The following ZNF704 variants were observed in gnomAD, a reference collection of about 807,000 sequenced individuals.
The protein encoded by ZNF704 is glucocorticoid induced gene 1.
ZNF704 carries 10 observed loss-of-function variants against 44.7 expected under a neutral mutation model. That is an observed-to-expected ratio of 0.22 (90% CI 0.14 to 0.38). The LOEUF (loss-of-function observed/expected upper bound fraction) is 0.38, where lower values mean the gene tolerates loss of function less well. ZNF704 is among the 10% of genes least tolerant of loss of function. The pLI is 1.00. For missense variants in ZNF704, 390 were observed against 545.5 expected, an observed-to-expected ratio of 0.71 and a Z score of 2.84; for synonymous variants, 211 against 207.6, an observed-to-expected ratio of 1.02 and a Z score of -0.14.
Position 80,646,213 on chromosome 8 carries a change from C to T in ZNF704, c.1033-3084G>A, listed in dbSNP as rs57743444. 3.9e-3 allele frequency among the ~76,000 whole-genome samples: 592 copies of T among 152,300 alleles called. 4 individuals are homozygous for T. Among genetic ancestry groups the T allele is most frequent in the African/African-American group, 0.013 (553 of 41,560 alleles). Reference sequence around the variant, plus strand: ...ATACAGGTAGGGCCAGGAGTGGTAGCTTATGCCTGTAATCCTAGCACTTTG... The same window carrying T: ...ATACAGGTAGGGCCAGGAGTGGTAGTTTATGCCTGTAATCCTAGCACTTTG... On this transcript the variant is annotated intron_variant, in intron 7 of 8. Coordinates refer to ENST00000327835, the MANE Select transcript of ZNF704 (RefSeq NM_001033723.3).
intron 1 of ZNF704, among the ~76,000 whole-genome samples, chr8:80,844,751 A>C (rs1345295412): frequency 6.6e-6 from 1 of 152,144 alleles, no homozygotes; most frequent in Non-Finnish European, 1.5e-5. Flanking sequence ...ATGCTATTAA[A>C]ATTTTATGTA....
At chr8:80,875,979 C>T (rs576878398), upstream of ZNF704, among the ~76,000 whole-genome samples, 85 of 152,266 alleles carry the variant, frequency 5.6e-4, 1 homozygote, top group African/African-American at 2.0e-3. Context: ...CCTTCTCTAC[C>T]TTATCCCTAG....
At chr8:80,779,568 T>C (rs937202965) in intron 2 of ZNF704, among the ~76,000 whole-genome samples, 2 of 152,136 alleles carry the variant, frequency 1.3e-5, no homozygotes, top group Non-Finnish European at 2.9e-5. Context: ...TTAAAATCAA[T>C]GTATAAAGAA....
At chr8:80,801,814 A>G (rs540333174) in intron 2 of ZNF704, among the ~76,000 whole-genome samples, 11 of 152,290 alleles carry the variant, frequency 7.2e-5, no homozygotes, top group Admixed American at 5.9e-4. Flanking sequence ...GACAAGAAAT[A>G]ACCAAGATCA....
At chr8:80,825,666 A>G (rs1287982304) in intron 1 of ZNF704, among the ~76,000 whole-genome samples, 1 of 152,252 alleles carries the variant, frequency 6.6e-6, no homozygotes, top group Admixed American at 6.5e-5. Flanking sequence ...AATTGACCAC[A>G]TAGTTGGAAG....
At chr8:80,789,511 C>A (rs896082302) in intron 2 of ZNF704, among the ~76,000 whole-genome samples, 14 of 152,070 alleles carry the variant, frequency 9.2e-5, no homozygotes, top group Non-Finnish European at 1.6e-4. Flanking sequence ...CTTTGGGAGG[C>A]CACAGAGGGA....
chr8:80,738,092 C>T (rs1806694798), intron 2 of ZNF704, among the ~76,000 whole-genome samples: 1 of 152,144 alleles, frequency 6.6e-6, no homozygotes, highest in Non-Finnish European at 1.5e-5. Flanking sequence ...CTCATGGTCA[C>T]ACTGGGGTTA....
intron 1 of ZNF704, among the ~76,000 whole-genome samples, chr8:80,832,078 T>C (rs759086759): frequency 1.1e-4 from 17 of 152,208 alleles, no homozygotes; most frequent in Non-Finnish European, 2.2e-4. Context: ...CAATGTTCAA[T>C]TATATGAGAA....
intron 2 of ZNF704, chr8:80,694,388 T>C (rs1033788338): frequency 1.3e-5 from 2 of 152,118 alleles, no homozygotes; most frequent in African/African-American, 2.4e-5. Flanking sequence ...GGAGGTAAAA[T>C]TGAGAGGCAA....
chr8:80,788,591 T>C (rs1807653268), intron 2 of ZNF704, among the ~76,000 whole-genome samples: 3 of 152,198 alleles, frequency 2.0e-5, no homozygotes, highest in Admixed American at 2.0e-4. Context: ...TCATCTTGTG[T>C]CTGCCTGGCA....
chr8:80,808,095 T>C (rs1563560487), intron 2 of ZNF704, among the ~76,000 whole-genome samples: 1 of 152,216 alleles, frequency 6.6e-6, no homozygotes, highest in East Asian at 1.9e-4. Context: ...TGTGCACACA[T>C]GGGGTAAGTC....
chr8:80,708,930 G>C (rs183425478), intron 2 of ZNF704, among the ~76,000 whole-genome samples: 228 of 152,016 alleles, frequency 1.5e-3, no homozygotes, highest in African/African-American at 5.0e-3. Context: ...ATGATAAGGA[G>C]TTAGCAAGCA....
intron 1 of ZNF704, among the ~76,000 whole-genome samples, chr8:80,859,817 CAG>C (rs774986572): frequency 2.0e-4 from 31 of 152,088 alleles, no homozygotes; most frequent in Non-Finnish European, 4.1e-4. Context: ...AAAAGCGACA[CAG>C]AGAGATTAGA....
Position 80,654,271 on chromosome 8 carries a change from T to C in ZNF704, c.1032+5314A>G, listed in dbSNP as rs916798214. Among the ~76,000 whole-genome samples, 25 of 152,322 alleles carry C rather than the reference T, an allele frequency of 1.6e-4. No homozygotes were observed. In the South Asian group the frequency reaches 3.3e-3, roughly 20 times the overall value. On this transcript the variant is annotated intron_variant, in intron 7 of 8. Coordinates refer to ENST00000327835, the MANE Select transcript of ZNF704 (RefSeq NM_001033723.3). The stretch of plus-strand genomic sequence containing the variant: ...AACCTAGGCAGTACCATTCAGGACA[T>C]AGGCATGGACAAGGACTTCATGTCT...
chr8:80,706,662 C>A (rs999909338), intron 2 of ZNF704, among the ~76,000 whole-genome samples: 1 of 152,208 alleles, frequency 6.6e-6, no homozygotes, highest in Non-Finnish European at 1.5e-5. Context: ...AATGGCCTTG[C>A]CCTTCAGGAG....
chr8:80,676,226 CAA>C (rs1818363695), intron 4 of ZNF704, among the ~76,000 whole-genome samples: 1 of 152,018 alleles, frequency 6.6e-6, no homozygotes, highest in African/African-American at 2.4e-5. Context: ...GAGTAAGTGC[CAA>C]TGTTTTCAAG....
At chr8:80,709,594 C>CA (rs765840336) in intron 2 of ZNF704, among the ~76,000 whole-genome samples, 3 of 151,570 alleles carry the variant, frequency 2.0e-5, no homozygotes, top group Non-Finnish European at 4.4e-5. Context: ...CCAGAGAAGG[C>CA]AGGGAGAGCC....
intron 1 of ZNF704, among the ~76,000 whole-genome samples, chr8:80,823,493 G>A (rs1808315106): frequency 6.6e-6 from 1 of 152,222 alleles, no homozygotes; most frequent in African/African-American, 2.4e-5. Flanking sequence ...CACCTCTGGG[G>A]GTAGGGCACA....
At chr8:80,743,191 C>CAAA (rs59886049) in intron 2 of ZNF704, among the ~76,000 whole-genome samples, 1,233 of 35,004 alleles carry the variant, frequency 0.035, 53 homozygotes, top group African/African-American at 0.086. Context: ...CTTGCAACTG[C>CAAA]AAAAAAAAAA....
Sources: gnomAD v4.1 joint callset for allele counts (sites outside exome capture counted in the v4.1 genomes callset) on GRCh38, gnomAD v4.1.1 for gene constraint, MANE v1.5 for transcripts, NCBI Gene and HGNC (gene_info 2026-07-23, HGNC 2026-07-21) for gene names.